The following HELQ variants were observed in gnomAD, a reference collection of about 807,000 sequenced individuals.
HELQ encodes helicase POLQ-like.
Under a neutral mutation model 111.6 loss-of-function variants are expected in HELQ, and 77 were observed. The observed-to-expected ratio is 0.69, with a 90% confidence interval of 0.57 to 0.83. The LOEUF (loss-of-function observed/expected upper bound fraction) is 0.83, where lower values mean the gene tolerates loss of function less well. HELQ is among the 40% of genes least tolerant of loss of function. The pLI, the probability that HELQ is intolerant of heterozygous loss-of-function variation, is 0.00. For synonymous variants in HELQ, 438 were observed against 454.7 expected (o/e 0.96, Z 0.47); for missense variants, 1,200 against 1,288.5 (o/e 0.93, Z 1.05).
intron 8 of HELQ, among the ~76,000 whole-genome samples, chr4:83,438,168 G>C (rs1459818257): frequency 6.6e-6 from 1 of 152,174 alleles, no homozygotes; most frequent in African/African-American, 2.4e-5. Flanking sequence ...TGAAAGAGGA[G>C]GTAGAGGTTG....
intron 17 of HELQ, among the ~76,000 whole-genome samples, chr4:83,413,483 T>G (rs1438326754): frequency 6.6e-6 from 1 of 152,182 alleles, no homozygotes; most frequent in Non-Finnish European, 1.5e-5. Flanking sequence ...AAAAGCCTTT[T>G]GGGGGTTAAT....
At chr4:83,425,959 A>C (rs1181196093) in intron 14 of HELQ, 35 bp downstream of exon 14, 2 of 1,113,014 alleles carry the variant, frequency 1.8e-6, no homozygotes, top group Non-Finnish European at 2.7e-6. Context: ...TGTTGAGTGA[A>C]CTTATTATTT....
intron 16 of HELQ, 45 bp from the exon 17 acceptor site, chr4:83,416,910 G>A (rs749849883): frequency 2.0e-6 from 3 of 1,528,018 alleles, no homozygotes; most frequent in South Asian, 1.3e-5. Context: ...TTTGGGATTA[G>A]AAAAAAGAAA....
At position 83,407,353 on chromosome 4, in the gene HELQ, A is replaced by G. The variant is rs967120600; in HGVS notation, c.*100T>C. The G allele has an allele frequency of 2.9e-6, 2 of 695,608 alleles. No individual in the cohort carries two copies. Among genetic ancestry groups the G allele is most frequent in the African/African-American group, 3.7e-5 (2 of 53,784 alleles). The allele number at this position is 695,608 out of a possible 1,614,324, so 43.1% of individuals were successfully genotyped here. ...AAACATTATTCGTAGTTCTTAATGT[A>G]TAACTGAAATGTATTTTTTCATTTA... On this transcript the variant is annotated 3_prime_UTR_variant, in exon 18 of 18. Transcript: ENST00000295488.
rs377687319 is a variant in HELQ at position 83,426,025 on chromosome 4, C to G, written c.2744G>C (p.Gly915Ala). ...GATGGCTTGGCCTGATGCTTTCTTC[C>G]CAATAAAGCTTTCAGAGACTCCAAG... ...AILGVSESFI[G>A]KKASGQAIGK... The change falls in exon 14 of 18, where the codon GGG (glycine) becomes GCG (alanine). Residue 915 changes from glycine to alanine, a missense_variant. Gly to Ala is a moderately conservative substitution (Grantham distance 60, BLOSUM62 0). Around this residue, in one of 3 missense-constraint regions of HELQ, gnomAD observed 585 missense variants for 665.3 expected, o/e 0.88. Transcript: ENST00000295488. 6.2e-7 allele frequency: 1 copy of G among 1,607,292 alleles called. No homozygotes were observed. The highest frequency in any genetic ancestry group is 1.3e-5 in the African/African-American group (1 of 74,858).
At chr4:83,413,566 T>G (rs183178395) in intron 17 of HELQ, among the ~76,000 whole-genome samples, 1 of 152,230 alleles carries the variant, frequency 6.6e-6, no homozygotes, top group African/African-American at 2.4e-5. Flanking sequence ...CACAAATTAT[T>G]TGACACTCTT....
At chr4:83,445,724 C>A (rs1019710989) in intron 5 of HELQ, among the ~76,000 whole-genome samples, 1 of 152,210 alleles carries the variant, frequency 6.6e-6, no homozygotes, top group African/African-American at 2.4e-5. Flanking sequence ...TTACAACAAT[C>A]CCATCAGGCT....
At chr4:83,445,883 A>C (rs1721019283) in intron 5 of HELQ, 131 bp downstream of exon 5, 2 of 601,508 alleles carry the variant, frequency 3.3e-6, no homozygotes, top group Non-Finnish European at 5.7e-6. Context: ...TTCATTAGAA[A>C]TTTTAAAACA....
chr4:83,442,408 T>C (rs1271090470), intron 6 of HELQ, among the ~76,000 whole-genome samples: 2 of 151,630 alleles, frequency 1.3e-5, no homozygotes, highest in Non-Finnish European at 2.9e-5. Context: ...GCTGGGACTA[T>C]ATGTGAGTGC....
chr4:83,440,444 T>C (rs1720702968), intron 7 of HELQ, among the ~76,000 whole-genome samples: 1 of 152,114 alleles, frequency 6.6e-6, no homozygotes, highest in South Asian at 2.1e-4. Context: ...AAACACAGAT[T>C]CAATCATACT....
At chr4:83,411,279 A>C (rs1739081675) in intron 17 of HELQ, among the ~76,000 whole-genome samples, 2 of 151,818 alleles carry the variant, frequency 1.3e-5, no homozygotes, top group African/African-American at 4.8e-5. Context: ...ACAATACAAA[A>C]CATCAAGTGC....
intron 9 of HELQ, among the ~76,000 whole-genome samples, chr4:83,435,761 AGCCT>A (rs1720420480): frequency 6.6e-6 from 1 of 152,164 alleles, no homozygotes; most frequent in Non-Finnish European, 1.5e-5. Context: ...GGACATGCTA[AGCCT>A]CTTTTTATGT....
At chr4:83,411,695 T>G (rs968813719) in intron 17 of HELQ, among the ~76,000 whole-genome samples, 1 of 151,918 alleles carries the variant, frequency 6.6e-6, no homozygotes, top group Admixed American at 6.5e-5. Flanking sequence ...CAGGTTGGAG[T>G]GCAGTGGCAT....
chr4:83,453,827 T>A lies in HELQ; in HGVS notation c.416A>T (p.His139Leu), dbSNP rs146158643. Reference protein sequence around the residue: ...KYMQLPEHKKHATDFATENLC... With the variant: ...KYMQLPEHKKLATDFATENLC... ...ATTTTCAGTGGCAAAGTCTGTAGCA[T>A]GTTTCTTATGTTCAGGGAGTTGCAT... The change falls in exon 2 of 18, where the codon CAT (histidine) becomes CTT (leucine). Residue 139 changes from histidine to leucine, a missense_variant. Coordinates refer to ENST00000295488, the MANE Select transcript of HELQ (RefSeq NM_133636.5). The A allele has an allele frequency of 1.8e-5, 29 of 1,614,026 alleles. No homozygotes were observed. The highest frequency in any genetic ancestry group is 2.2e-5 in the Non-Finnish European group (26 of 1,179,970).
chr4:83,427,614 G>C lies in HELQ; in HGVS notation c.2625C>G (p.Pro875=). The change falls in exon 13 of 18, where the codon CCC becomes CCG. Residue 875 remains proline, a synonymous_variant. Coordinates refer to ENST00000295488, the MANE Select transcript of HELQ (RefSeq NM_133636.5). ...SLLHLIYLTT[P]YDLVSQCNPD... ...GGTTACACTGTGAAACCAGATCATA[G>C]GGGGTTGTTAGGTAGATTAGATGAA... 6.2e-7 allele frequency: 1 copy of C among 1,604,942 alleles called. No individual in the cohort carries two copies. Among genetic ancestry groups the C allele is most frequent in the Non-Finnish European group, 8.5e-7 (1 of 1,176,302 alleles).
At chr4:83,425,279 C>CAA (rs11319573) in intron 14 of HELQ, among the ~76,000 whole-genome samples, 7,113 of 70,292 alleles carry the variant, frequency 0.1, 890 homozygotes, top group African/African-American at 0.27. Flanking sequence ...GACTGCACCT[C>CAA]AAAAAAAAAA....
intron 11 of HELQ, 112 bp from the exon 12 acceptor site, chr4:83,429,858 A>G (rs1720047612): frequency 1.6e-6 from 1 of 639,950 alleles, no homozygotes; most frequent in Non-Finnish European, 2.6e-6. Context: ...TTAAATAAAA[A>G]ATTAGTATTA....
In HELQ at chr4:83,413,135, C is replaced by G. The variant is rs113439904; in HGVS notation, c.3198+3596G>C. 4.7e-3 allele frequency among the ~76,000 whole-genome samples: 719 copies of G among 152,316 alleles called. 8 individuals carry two copies. The highest frequency in any genetic ancestry group is 0.017 in the African/African-American group (689 of 41,566). On this transcript the variant is annotated intron_variant, in intron 17 of 17. Coordinates refer to ENST00000295488, the MANE Select transcript of HELQ (RefSeq NM_133636.5). Reference sequence around the variant, plus strand: ...CATGAAAGCTCTGTGCCACTTCCCCCATACCTTGACCTATGAATCTCTTCA... The same window carrying G: ...CATGAAAGCTCTGTGCCACTTCCCCGATACCTTGACCTATGAATCTCTTCA...
At chr4:83,437,521 G>T (rs1720524007) in intron 8 of HELQ, among the ~76,000 whole-genome samples, 1 of 151,038 alleles carries the variant, frequency 6.6e-6, no homozygotes, top group South Asian at 2.1e-4. Context: ...AGGATGAGGT[G>T]GGATGATTGC....
Sources: allele counts gnomAD v4.1 joint callset (sites outside exome capture counted in the v4.1 genomes callset), GRCh38; gene constraint gnomAD v4.1.1; regional missense constraint gnomAD v4.1.1; transcripts MANE v1.5; gene names NCBI Gene and HGNC (gene_info 2026-07-23, HGNC 2026-07-21).